Variants in PHACTR2 observed in about 807,000 individuals in gnomAD.
The protein encoded by PHACTR2 is phosphatase and actin regulator 2.
In PHACTR2, 30 loss-of-function variants were observed where a neutral mutation model predicts 76.0. The observed-to-expected ratio is 0.39, with a 90% CI of 0.30 to 0.54. The LOEUF is 0.54. Among genes scored for constraint, PHACTR2 ranks in the 20% least tolerant of loss-of-function variants. The pLI is 0.61. For synonymous variants in PHACTR2, 292 were observed against 292.5 expected, an observed-to-expected ratio of 1.00 and a Z score of 0.02; for missense variants, 696 against 781.1, an observed-to-expected ratio of 0.89 and a Z score of 1.30.
In PHACTR2 at chr6:143,652,816, G is replaced by A. The variant is rs1019747498; in HGVS notation, c.13+44494G>A. 2.6e-5 allele frequency among the ~76,000 whole-genome samples: 4 copies of A among 152,212 alleles called. No homozygotes were observed. The highest frequency in any genetic ancestry group is 9.7e-5 in the African/African-American group (4 of 41,446). On this transcript the variant is annotated intron_variant, in intron 1 of 11. Transcript: ENST00000305766. This position sits in a 1 kb window ranked among gnomAD's most constrained non-coding sequence, Gnocchi z 4.5. ...GACCGCCTGCTCTGGTCATGTGTGT[G>A]TGTGATCTATAATAGGGTCACAGCT...
chr6:143,646,975 C>T lies in PHACTR2; in HGVS notation c.13+38653C>T, dbSNP rs139695902. Among the ~76,000 whole-genome samples, 1 of 152,282 alleles carries T rather than the reference C, an allele frequency of 6.6e-6. No individual in the cohort carries two copies. The highest frequency in any genetic ancestry group is 2.4e-5 in the African/African-American group (1 of 41,554). On this transcript the variant is annotated intron_variant, in intron 1 of 11. Transcript: ENST00000305766. This position sits in a 1 kb window ranked among gnomAD's most constrained non-coding sequence, Gnocchi z 4.1. ...GTGCCCAGTGAGGTAAGCCTTGCTTCTAAAGAATTTTAAAATGTATTTTTA... is the reference window on the plus strand; with the variant it reads ...GTGCCCAGTGAGGTAAGCCTTGCTTTTAAAGAATTTTAAAATGTATTTTTA...
Position 143,765,234 on chromosome 6 carries a change from T to C in PHACTR2, c.695-27T>C, listed in dbSNP as rs921486651. ...TTAAAAAGCATTGTATTCTTTGATTTTTTAATGCAAGGTCTCTCTATTGTA... is the reference window on the plus strand; with the variant it reads ...TTAAAAAGCATTGTATTCTTTGATTCTTTAATGCAAGGTCTCTCTATTGTA... On this transcript the variant is annotated intron_variant, in intron 5 of 12. Transcript: ENST00000440869. This position sits in a 1 kb window ranked among gnomAD's most constrained non-coding sequence, Gnocchi z 4.1. 1.9e-6 allele frequency: 3 copies of C among 1,557,784 alleles called. No individual in the cohort carries two copies. The African/African-American group carries it at 4.1e-5, about 22-fold the overall frequency.
chr6:143,681,348 T>G (rs1777384346), intron 1 of PHACTR2, among the ~76,000 whole-genome samples: 1 of 152,208 alleles, frequency 6.6e-6, no homozygotes, highest in South Asian at 2.1e-4. Context: ...CCCTAATTAC[T>G]AATGACCTTG....
intron 1 of PHACTR2, among the ~76,000 whole-genome samples, chr6:143,560,611 A>G (rs1399205488): frequency 6.6e-6 from 1 of 152,172 alleles, no homozygotes; most frequent in Admixed American, 6.5e-5. Context: ...TGACTAGTTC[A>G]TTTAGGTTAC....
rs1457015895 is a variant in PHACTR2, at chr6:143,755,355, A to G, written c.454+1443A>G. The G allele has an allele frequency of 2.2e-6, 1 of 455,918 alleles. No homozygotes were observed. The highest frequency in any genetic ancestry group is 4.4e-6 in the Non-Finnish European group (1 of 226,808). The allele number at this position is 455,918 out of a possible 1,614,324, so 28.2% of individuals were successfully genotyped here. A position where few individuals can be genotyped will look rare whatever the true frequency, so the allele number is the denominator to read the frequency against. ...GGTTTGTCCCTGGCAGCCTTCTCAC[A>G]TCCAAGAATCGCATCCTGCATTACG... On this transcript the variant is annotated intron_variant, in intron 4 of 12. Coordinates refer to ENST00000440869, the MANE Select transcript of PHACTR2 (RefSeq NM_001100164.2). The surrounding 1 kb of genome is among the most constrained non-coding windows in gnomAD (Gnocchi z 5.2).
chr6:143,547,405 T>C lies in PHACTR2; in HGVS notation c.217+10198T>C, dbSNP rs1277034785. 2.0e-5 allele frequency among the ~76,000 whole-genome samples: 3 copies of C among 152,196 alleles called. No individual in the cohort carries two copies. The highest frequency in any genetic ancestry group is 7.2e-5 in the African/African-American group (3 of 41,436). On this transcript the variant is annotated intron_variant, in intron 1 of 11. Transcript: ENST00000367584. This position sits in a 1 kb window ranked among gnomAD's most constrained non-coding sequence, Gnocchi z 4.2. ...ATTATTTTGGTGGGAATAACAATCATTTGGACAGCTAAGTCATTCACATTA... is the reference window on the plus strand; with the variant it reads ...ATTATTTTGGTGGGAATAACAATCACTTGGACAGCTAAGTCATTCACATTA...
rs1777884685 is a variant in PHACTR2, at chr6:143,700,530, G to A, written c.47-11486G>A. ...AGATCTCACCACTGCACTCCATCTG[G>A]GTGACAGAACGAGACTCCATTGATT... On this transcript the variant is annotated intron_variant, in intron 1 of 12. Coordinates refer to ENST00000440869, the MANE Select transcript of PHACTR2 (RefSeq NM_001100164.2). This position sits in a 1 kb window ranked among gnomAD's most constrained non-coding sequence, Gnocchi z 4.1. 6.6e-6 allele frequency among the ~76,000 whole-genome samples: 1 copy of A among 152,152 alleles called. No homozygotes were observed. The highest frequency in any genetic ancestry group is 6.6e-5 in the Admixed American group (1 of 15,266).
rs899600445 is a variant in PHACTR2, at chr6:143,698,630, G to A, written c.47-13386G>A. Among the ~76,000 whole-genome samples the A allele has an allele frequency of 9.2e-5, 14 of 152,162 alleles. No homozygotes were observed. The highest frequency in any genetic ancestry group is 4.1e-4 in the South Asian group (2 of 4,830). ...TGGGAACTAATGCCACAGTACCACCGTGTGAGCCTCTGGGGTCCCCCACAT... is the reference window on the plus strand; with the variant it reads ...TGGGAACTAATGCCACAGTACCACCATGTGAGCCTCTGGGGTCCCCCACAT... On this transcript the variant is annotated intron_variant, in intron 1 of 12. Transcript: ENST00000440869. The surrounding 1 kb of genome is among the most constrained non-coding windows in gnomAD (Gnocchi z 4.3).
chr6:143,636,843 T>G (rs1238440444), intron 1 of PHACTR2, among the ~76,000 whole-genome samples: 6 of 152,242 alleles, frequency 3.9e-5, no homozygotes, highest in Admixed American at 1.3e-4. Context: ...AGTCATTCAT[T>G]AAAGCATAAA....
In PHACTR2 at chr6:143,776,013, C is replaced by T. The variant is rs1463500455; in HGVS notation, c.1590-1315C>T. On this transcript the variant is annotated intron_variant, in intron 8 of 12. Transcript: ENST00000440869. The surrounding 1 kb of genome is among the most constrained non-coding windows in gnomAD (Gnocchi z 5.3). ...AGCTATGATGACTGGCACCTGTAAT[C>T]CCAGCTACTCAGGAGGCTGAGGCAG... 6.6e-6 allele frequency among the ~76,000 whole-genome samples: 1 copy of T among 152,136 alleles called. No homozygotes were observed. The highest frequency in any genetic ancestry group is 1.5e-5 in the Non-Finnish European group (1 of 68,024).
chr6:143,814,118 G>A (rs1166833133), intron 12 of PHACTR2, among the ~76,000 whole-genome samples: 1 of 152,290 alleles, frequency 6.6e-6, no homozygotes, highest in East Asian at 1.9e-4. Context: ...TACTTTGGGG[G>A]GCCGTGGCCA....
At chr6:143,682,397 G>A (rs1264420621) in intron 1 of PHACTR2, among the ~76,000 whole-genome samples, 1 of 152,056 alleles carries the variant, frequency 6.6e-6, no homozygotes, top group Non-Finnish European at 1.5e-5. Context: ...TGTATTGTTG[G>A]TAGAGATGGG....
rs755019267 is a variant in PHACTR2, at chr6:143,548,248, G to C, written c.217+11041G>C. ...AATGACACTAATTTCATTCATGAAG[G>C]TTCCACCCTCAATACCTCATCTAAT... is the stretch of plus-strand genomic sequence containing the variant. On this transcript the variant is annotated intron_variant, in intron 1 of 11. Transcript: ENST00000367584. This position sits in a 1 kb window ranked among gnomAD's most constrained non-coding sequence, Gnocchi z 4.5. Among the ~76,000 whole-genome samples the C allele has an allele frequency of 6.7e-6, 1 of 150,344 alleles. No individual in the cohort carries two copies. Among genetic ancestry groups the C allele is most frequent in the African/African-American group, 2.4e-5 (1 of 41,292 alleles).
At position 143,801,884 on chromosome 6, in the gene PHACTR2, GT is replaced by G. The variant is rs1021902420; in HGVS notation, c.1846-5172del. ...TTGGTGACCTACAGATGGGGTTTGG[GT>G]GTGGATGTCCTTTTTGTTGATGTTG... On this transcript the variant is annotated intron_variant, in intron 11 of 12. Transcript: ENST00000440869. The surrounding 1 kb of genome is among the most constrained non-coding windows in gnomAD (Gnocchi z 4.6). Among the ~76,000 whole-genome samples, 1 of 152,118 alleles carries G rather than the reference GT, an allele frequency of 6.6e-6. No individual in the cohort carries two copies. Among genetic ancestry groups the G allele is most frequent in the African/African-American group, 2.4e-5 (1 of 41,420 alleles).
chr6:143,619,558 G>A lies in PHACTR2; in HGVS notation c.13+11236G>A, dbSNP rs1485492041. Among the ~76,000 whole-genome samples, 1 of 152,204 alleles carries A rather than the reference G, an allele frequency of 6.6e-6. No individual in the cohort carries two copies. The highest frequency in any genetic ancestry group is 2.4e-5 in the African/African-American group (1 of 41,464). ...TGTACACAAAGAAGCATCTTTCTTT[G>A]AGACTGTTGCATGGGAATGGTGGTA... On this transcript the variant is annotated intron_variant, in intron 1 of 11. Coordinates refer to the PHACTR2 transcript ENST00000305766. This position sits in a 1 kb window ranked among gnomAD's most constrained non-coding sequence, Gnocchi z 4.5.
intron 11 of PHACTR2, among the ~76,000 whole-genome samples, chr6:143,805,423 G>A (rs565379485): frequency 6.8e-6 from 1 of 146,378 alleles, no homozygotes; most frequent in South Asian, 2.2e-4. Flanking sequence ...AGGTTGCAGT[G>A]AGCCAAGATC....
chr6:143,551,721 T>C (rs1775097883), intron 1 of PHACTR2, among the ~76,000 whole-genome samples: 1 of 152,150 alleles, frequency 6.6e-6, no homozygotes. Context: ...TATGAAGATG[T>C]TGGAAAATAG....
Position 143,743,029 on chromosome 6 carries a change from C to A in PHACTR2, c.215-5956C>A, listed in dbSNP as rs1464166277. ...ACCAGGAAAGTAGTTGCTATCTCTC[C>A]ATTTTGCAGATGAGGACGCTGAGGC... On this transcript the variant is annotated intron_variant, in intron 2 of 12. Transcript: ENST00000440869. The surrounding 1 kb of genome is among the most constrained non-coding windows in gnomAD (Gnocchi z 5.0). Among the ~76,000 whole-genome samples the A allele has an allele frequency of 2.0e-5, 3 of 152,280 alleles. No individual in the cohort carries two copies. Among genetic ancestry groups the A allele is most frequent in the Non-Finnish European group, 4.4e-5 (3 of 68,030 alleles).
rs1430763136 is a variant in PHACTR2 at position 143,580,608 on chromosome 6, G to A, written c.217+43401G>A. Among the ~76,000 whole-genome samples, 1 of 152,228 alleles carries A rather than the reference G, an allele frequency of 6.6e-6. No individual in the cohort carries two copies. Among genetic ancestry groups the A allele is most frequent in the Non-Finnish European group, 1.5e-5 (1 of 68,044 alleles). On this transcript the variant is annotated intron_variant, in intron 1 of 11. Transcript: ENST00000367584. The surrounding 1 kb of genome is among the most constrained non-coding windows in gnomAD (Gnocchi z 4.2). ...GAATTGCTTGAACCCGGGAGGCAGA[G>A]GTTGCAGTGAACTGAGATCATGCCA... is the stretch of plus-strand genomic sequence containing the variant.
Sources: gnomAD v4.1 joint callset for allele counts (sites outside exome capture counted in the v4.1 genomes callset) on GRCh38, gnomAD v4.1.1 for gene constraint, Gnocchi (gnomAD v3.1) non-coding constraint, MANE v1.5 for transcripts, NCBI Gene and HGNC (gene_info 2026-07-23, HGNC 2026-07-21) for gene names.